WNT2: variants seen among roughly 807,000 people sequenced by gnomAD.
The protein encoded by WNT2 is protein Wnt-2.
Under a neutral mutation model 36.9 loss-of-function variants are expected in WNT2, and 12 were observed. The ratio of observed to expected loss-of-function variants is 0.33; its 90% CI spans 0.21 to 0.53. The LOEUF (loss-of-function observed/expected upper bound fraction) is 0.53. WNT2 is among the 20% of genes least tolerant of loss of function. The probability of loss-of-function intolerance (pLI) is 0.95; values close to 1 mark genes in which losing one functional copy is unlikely to be tolerated. For missense variants in WNT2, 379 were observed against 473.1 expected (o/e 0.80, Z 1.84); for synonymous variants, 163 against 174.6 (o/e 0.93, Z 0.52).
intron 3 of WNT2, among the ~76,000 whole-genome samples, chr7:117,304,725 C>T (rs996899853): frequency 5.3e-5 from 8 of 152,274 alleles, no homozygotes; most frequent in East Asian, 3.9e-4. Context: ...CGTGAGCCAC[C>T]GCATCTGGTC....
intron 1 of WNT2, among the ~76,000 whole-genome samples, chr7:117,321,824 C>T (rs1209092316): frequency 2.0e-5 from 3 of 152,144 alleles, no homozygotes; most frequent in Non-Finnish European, 4.4e-5. Context: ...GATCCTGTGT[C>T]AGCAATGTCA....
At chr7:117,303,175 TCATCCAGAC>T (rs1563203366) in intron 3 of WNT2, among the ~76,000 whole-genome samples, 4 of 152,106 alleles carry the variant, frequency 2.6e-5, no homozygotes, top group Admixed American at 2.0e-4. Context: ...GGGTTCAGAA[TCATCCAGAC>T]CCAGGGATGC....
intron 3 of WNT2, among the ~76,000 whole-genome samples, chr7:117,309,102 A>C (rs1275191559): frequency 1.3e-5 from 2 of 151,562 alleles, no homozygotes; most frequent in African/African-American, 4.9e-5. Flanking sequence ...CTGAGGTGGG[A>C]GGATCACTTG....
At chr7:117,282,624 G>T (rs1422460717) in intron 4 of WNT2, among the ~76,000 whole-genome samples, 1 of 152,220 alleles carries the variant, frequency 6.6e-6, no homozygotes, top group East Asian at 1.9e-4. Flanking sequence ...AAAGGGGAGA[G>T]TGTCAGGAGA....
intron 3 of WNT2, among the ~76,000 whole-genome samples, chr7:117,302,153 T>G (rs1383124958): frequency 6.6e-6 from 1 of 152,076 alleles, no homozygotes; most frequent in East Asian, 1.9e-4. Context: ...CCTGTTATAA[T>G]GGGGCAGAGG....
Position 117,315,200 on chromosome 7 carries a change from A to G in WNT2, c.459T>C (p.Asp153=), listed in dbSNP as rs757999032. The change falls in exon 3 of 5, where the codon GAT becomes GAC. Residue 153 remains aspartate, a synonymous_variant. Transcript: ENST00000265441. ...CAATGTTATCACTGCAGCCACCCCA[A>G]TCAAAAATGCCTTTGCTGTCCTTGG... is the stretch of plus-strand genomic sequence containing the variant. ...GSAKDSKGIF[D]WGGCSDNIDY... 11 of 1,614,032 alleles carry G rather than the reference A, an allele frequency of 6.8e-6. No individual in the cohort carries two copies. The highest frequency in any genetic ancestry group is 2.7e-5 in the African/African-American group (2 of 74,916).
At chr7:117,310,306 C>T (rs1795096662) in intron 3 of WNT2, among the ~76,000 whole-genome samples, 1 of 152,114 alleles carries the variant, frequency 6.6e-6, no homozygotes, top group African/African-American at 2.4e-5. Context: ...GGCTCAAGGC[C>T]TGTAATCCTA....
intron 3 of WNT2, among the ~76,000 whole-genome samples, chr7:117,301,889 C>T (rs1367581764): frequency 6.7e-6 from 1 of 149,306 alleles, no homozygotes; most frequent in Non-Finnish European, 1.5e-5. Context: ...CTCACTGCCA[C>T]CTCCACCTCC....
intron 4 of WNT2, among the ~76,000 whole-genome samples, chr7:117,278,887 C>T (rs1794430181): frequency 6.6e-6 from 1 of 152,152 alleles, no homozygotes; most frequent in Admixed American, 6.5e-5. Context: ...ATTACACTGG[C>T]TTATGAGAAA....
At chr7:117,288,349 C>T (rs1794623677) in intron 4 of WNT2, among the ~76,000 whole-genome samples, 1 of 152,138 alleles carries the variant, frequency 6.6e-6, no homozygotes, top group Non-Finnish European at 1.5e-5. Context: ...TTAATTTGCC[C>T]ATTAGTCCAA....
chr7:117,275,494 T>A lies in WNT2; in HGVS notation c.*2661A>T, dbSNP rs576906337. On this transcript the variant is annotated 3_prime_UTR_variant, in exon 5 of 5. Coordinates refer to ENST00000265441, the MANE Select transcript of WNT2 (RefSeq NM_003391.3). Reference sequence around the variant, plus strand: ...TTTTTCAGATATTGTAGAAAATTAATGGACATTATCTTGGACCTAGAAAAC... The same window carrying A: ...TTTTTCAGATATTGTAGAAAATTAAAGGACATTATCTTGGACCTAGAAAAC... Among the ~76,000 whole-genome samples the A allele has an allele frequency of 6.6e-6, 1 of 152,324 alleles. No individual in the cohort carries two copies. The highest frequency in any genetic ancestry group is 1.9e-4 in the East Asian group (1 of 5,194).
chr7:117,301,185 G>T (rs1171362040), intron 3 of WNT2, among the ~76,000 whole-genome samples: 1 of 152,304 alleles, frequency 6.6e-6, no homozygotes, highest in Non-Finnish European at 1.5e-5. Flanking sequence ...AGCATCTCTA[G>T]TATTGGGCTT....
At chr7:117,307,122 T>G (rs960137916) in intron 3 of WNT2, among the ~76,000 whole-genome samples, 1 of 152,126 alleles carries the variant, frequency 6.6e-6, no homozygotes, top group African/African-American at 2.4e-5. Flanking sequence ...GACGCAGAAG[T>G]CTGTTTAAAA....
At chr7:117,292,993 G>C (rs559459736) in intron 4 of WNT2, among the ~76,000 whole-genome samples, 1 of 152,250 alleles carries the variant, frequency 6.6e-6, no homozygotes, top group Non-Finnish European at 1.5e-5. Context: ...TGCAGAGGCA[G>C]TGCCAGTGGA....
chr7:117,300,229 C>G (rs1364854195), intron 3 of WNT2, among the ~76,000 whole-genome samples: 1 of 152,130 alleles, frequency 6.6e-6, no homozygotes, highest in East Asian at 1.9e-4. Context: ...GCTCTGTTGC[C>G]AGGGTGGAGT....
intron 3 of WNT2, among the ~76,000 whole-genome samples, chr7:117,299,595 C>A (rs543417853): frequency 6.6e-6 from 1 of 151,200 alleles, no homozygotes; most frequent in Non-Finnish European, 1.5e-5. Flanking sequence ...TGGGCTCAAG[C>A]GATCCTCCTG....
At chr7:117,292,832 T>C (rs1293209367) in intron 4 of WNT2, among the ~76,000 whole-genome samples, 1 of 152,194 alleles carries the variant, frequency 6.6e-6, no homozygotes, top group Non-Finnish European at 1.5e-5. Context: ...TAGTTTTCCT[T>C]AGCAAGAAAT....
At chr7:117,315,888 T>G (rs957799487) in intron 2 of WNT2, among the ~76,000 whole-genome samples, 1 of 152,212 alleles carries the variant, frequency 6.6e-6, no homozygotes, top group Non-Finnish European at 1.5e-5. Context: ...ATCTAGGGAC[T>G]AAGGTGGGAA....
intron 4 of WNT2, among the ~76,000 whole-genome samples, chr7:117,281,251 T>G: frequency 6.6e-6 from 1 of 152,136 alleles, no homozygotes. Flanking sequence ...TTGTTATTGT[T>G]GTTTGAGACA....
Sources: allele counts gnomAD v4.1 joint callset (sites outside exome capture counted in the v4.1 genomes callset), GRCh38; gene constraint gnomAD v4.1.1; transcripts MANE v1.5; gene names NCBI Gene and HGNC (gene_info 2026-07-23, HGNC 2026-07-21).